Variants in BCL11A observed in about 807,000 individuals in gnomAD.
BCL11A encodes the protein BCL11 transcription factor A.
BCL11A carries 2 observed loss-of-function variants against 55.9 expected under a neutral mutation model. That is an observed-to-expected ratio of 0.04 (90% CI 0.01 to 0.11). The LOEUF (loss-of-function observed/expected upper bound fraction) is 0.11. BCL11A is among the 10% of genes least tolerant of loss of function. The pLI, the probability that BCL11A is intolerant of heterozygous loss-of-function variation, is 1.00. For synonymous variants in BCL11A, 465 were observed against 473.4 expected (o/e 0.98, Z 0.23); for missense variants, 817 against 1,137.1 (o/e 0.72, Z 4.05).
intron 1 of BCL11A, chr2:60,550,897 G>A: frequency 7.5e-6 from 3 of 398,228 alleles, no homozygotes; most frequent in Non-Finnish European, 8.9e-6. Context: ...ACACCGCCGC[G>A]CGCCGCGTCT....
chr2:60,461,832 G>A lies in BCL11A; in HGVS notation c.1080C>T (p.Leu360=). The A allele has an allele frequency of 6.2e-7, 1 of 1,610,132 alleles. No individual in the cohort carries two copies. Among genetic ancestry groups the A allele is most frequent in the Non-Finnish European group, 8.5e-7 (1 of 1,177,000 alleles). ...GAGGAGGGGCGGATTGCAGAGGAGG[G>A]AGGGGGGGCGTCGCCAGGAAGGGCG... is the stretch of plus-strand genomic sequence containing the variant. The part of the protein sequence containing the change: ...SKPPFLATPP[L]PPLQSAPPPS... Residue 360 remains leucine (L), a synonymous_variant, in exon 4 of 4, where the codon CTC becomes CTT. Transcript: ENST00000642384.
At chr2:60,513,840 C>T (rs1668602960) in intron 2 of BCL11A, among the ~76,000 whole-genome samples, 1 of 152,238 alleles carries the variant, frequency 6.6e-6, no homozygotes, top group African/African-American at 2.4e-5. Context: ...GGCAGACTCT[C>T]TCTTCTCAAC....
Position 60,457,538 on chromosome 2 carries a change from G to T in BCL11A, c.*2866C>A. On this transcript the variant is annotated 3_prime_UTR_variant, in exon 4 of 4. Transcript: ENST00000642384. ...GAAAAGGCCAATAACAAAATATTCT[G>T]CATTGCCATTTACAAAAAAGTATTG... 2 of 1,046,196 alleles carry T rather than the reference G, an allele frequency of 1.9e-6. No individual in the cohort carries two copies. The highest frequency in any genetic ancestry group is 2.3e-6 in the Non-Finnish European group (2 of 866,912). 64.8% of individuals were successfully genotyped at this position (1,046,196 alleles called of 1,614,324 possible).
exon 5 of BCL11A, chr2:60,451,308 A>C: frequency 4.4e-6 from 1 of 227,462 alleles, no homozygotes; most frequent in Non-Finnish European, 8.7e-6. Flanking sequence ...CTGTATGTGA[A>C]TCTACAGCAC....
At chr2:60,500,586 C>G (rs1679224890) in intron 2 of BCL11A, among the ~76,000 whole-genome samples, 1 of 152,340 alleles carries the variant, frequency 6.6e-6, no homozygotes, top group South Asian at 2.1e-4. Flanking sequence ...CCCCACACTT[C>G]CCAACTCCTC....
chr2:60,481,149 A>G (rs1418065709), intron 2 of BCL11A, among the ~76,000 whole-genome samples: 1 of 152,022 alleles, frequency 6.6e-6, no homozygotes, highest in Non-Finnish European at 1.5e-5. Flanking sequence ...AAAGAAGGCA[A>G]AGCCCTGCTG....
Position 60,461,636 on chromosome 2 carries a change from T to A in BCL11A, c.1276A>T (p.Thr426Ser). The A allele has an allele frequency of 6.2e-7, 1 of 1,613,894 alleles. No individual in the cohort carries two copies. Among genetic ancestry groups the A allele is most frequent in the Non-Finnish European group, 8.5e-7 (1 of 1,180,040 alleles). The change falls in exon 4 of 4, where the codon ACG (threonine) becomes TCG (serine). Residue 426 changes from threonine to serine, a missense_variant. Around this residue, in one of 4 missense-constraint regions of BCL11A, gnomAD observed 45 missense variants for 109.0 expected, o/e 0.41. Coordinates refer to ENST00000642384, the MANE Select transcript of BCL11A (RefSeq NM_022893.4). ...QASKLKRHMK[T>S]HMHKSSPMTV... Reference sequence around the variant, plus strand: ...ATGGGGGACGATTTGTGCATGTGCGTCTTCATGTGGCGCTTCAGCTTGCTG... The same window carrying A: ...ATGGGGGACGATTTGTGCATGTGCGACTTCATGTGGCGCTTCAGCTTGCTG...
At chr2:60,487,753 G>A (rs541104642) in intron 2 of BCL11A, among the ~76,000 whole-genome samples, 16 of 152,246 alleles carry the variant, frequency 1.1e-4, no homozygotes, top group South Asian at 2.1e-4. Flanking sequence ...ATTTTAATGC[G>A]GTAATTTTCT....
chr2:60,478,073 C>T (rs1659913239), intron 2 of BCL11A: 1 of 152,364 alleles, frequency 6.6e-6, no homozygotes. Context: ...AGCAGTCCTC[C>T]TGCCTCAGCT....
chr2:60,537,713 T>C (rs966258697), intron 2 of BCL11A: 7 of 152,336 alleles, frequency 4.6e-5, no homozygotes, highest in African/African-American at 1.4e-4. Flanking sequence ...ATTAAGAAAA[T>C]GAACAACTGA....
chr2:60,451,528 CTGTT>C (rs1450859452), exon 5 of BCL11A: 4 of 231,636 alleles, frequency 1.7e-5, no homozygotes, highest in Admixed American at 1.7e-4. Context: ...CTGTGATTGT[CTGTT>C]CTGATGTGAA....
At chr2:60,525,601 G>A (rs1669166868) in intron 2 of BCL11A, 1 of 151,930 alleles carries the variant, frequency 6.6e-6, no homozygotes, top group African/African-American at 2.4e-5. Flanking sequence ...TTCATACTAT[G>A]CTAGAACATC....
chr2:60,470,825 C>G (rs1677153671), intron 2 of BCL11A, among the ~76,000 whole-genome samples: 1 of 151,984 alleles, frequency 6.6e-6, no homozygotes, highest in Non-Finnish European at 1.5e-5. Context: ...TTTTTGTTTT[C>G]TAAGTTGTAA....
intron 2 of BCL11A, among the ~76,000 whole-genome samples, chr2:60,470,165 C>T (rs971557450): frequency 6.6e-6 from 1 of 152,054 alleles, no homozygotes; most frequent in Non-Finnish European, 1.5e-5. Context: ...CTGCTGTTAC[C>T]AGGCCTGCAG....
intron 2 of BCL11A, chr2:60,526,727 T>C (rs552415320): frequency 2.6e-5 from 4 of 152,340 alleles, no homozygotes; most frequent in East Asian, 1.9e-4. Context: ...ATGAAAATGT[T>C]TGACAACGTG....
At chr2:60,519,266 C>T (rs897624036) in intron 2 of BCL11A, among the ~76,000 whole-genome samples, 2 of 152,152 alleles carry the variant, frequency 1.3e-5, no homozygotes, top group Non-Finnish European at 2.9e-5. Flanking sequence ...AGGCATTTTG[C>T]GGTCTTTTTG....
At chr2:60,519,543 C>CTGAA (rs1312032470) in intron 2 of BCL11A, among the ~76,000 whole-genome samples, 1 of 139,594 alleles carries the variant, frequency 7.2e-6, no homozygotes, top group East Asian at 2.0e-4. Context: ...CCTCACTTGC[C>CTGAA]TGCCTGCCTG....
chr2:60,514,599 C>T (rs2457663), intron 2 of BCL11A, among the ~76,000 whole-genome samples: 8 of 148,942 alleles, frequency 5.4e-5, no homozygotes, highest in African/African-American at 1.2e-4. Flanking sequence ...ACCTGGGAGG[C>T]GGAGGCTGCA....
intron 2 of BCL11A, chr2:60,484,583 A>T (rs1678159177): frequency 6.6e-6 from 1 of 151,686 alleles, no homozygotes; most frequent in African/African-American, 2.4e-5. Flanking sequence ...AATATTTCCT[A>T]TTTTTTTGCA....
Sources: gnomAD v4.1 joint callset for allele counts (sites outside exome capture counted in the v4.1 genomes callset) on GRCh38, gnomAD v4.1.1 for gene constraint, gnomAD v4.1.1 regional missense constraint, MANE v1.5 for transcripts, NCBI Gene and HGNC (gene_info 2026-07-23, HGNC 2026-07-21) for gene names.